Variants in FGD5 observed in about 807,000 individuals in gnomAD.
FGD5 encodes the protein FYVE, RhoGEF and PH domain containing 5, also known as FYVE, RhoGEF and PH domain-containing protein 5.
A neutral mutation model predicts 133.4 loss-of-function variants in FGD5; 28 were observed. That is an observed-to-expected ratio of 0.21 (90% CI 0.16 to 0.29). The LOEUF (loss-of-function observed/expected upper bound fraction) is 0.29, where lower values mean the gene tolerates loss of function less well. FGD5 is among the 10% of genes least tolerant of loss of function. The pLI, the probability that FGD5 is intolerant of heterozygous loss-of-function variation, is 1.00. For synonymous variants in FGD5, 810 were observed against 776.5 expected (o/e 1.04, Z -0.72); for missense variants, 1,858 against 1,895.2 (o/e 0.98, Z 0.36).
At chr3:14,828,062 G>T (rs571716817) in intron 1 of FGD5, among the ~76,000 whole-genome samples, 55 of 152,302 alleles carry the variant, frequency 3.6e-4, no homozygotes, top group African/African-American at 1.3e-3. Context: ...GAGTGAATGT[G>T]TTGGCTAACT....
chr3:14,864,069 T>C (rs2037449575), intron 1 of FGD5, 59 bp from the exon 2 acceptor site: 1 of 1,577,240 alleles, frequency 6.3e-7, no homozygotes, highest in Admixed American at 1.7e-5. Flanking sequence ...CCCTGGTAGG[T>C]TCACTTTGCC....
chr3:14,842,174 C>T (rs1324968089), intron 1 of FGD5, among the ~76,000 whole-genome samples: 1 of 152,232 alleles, frequency 6.6e-6, no homozygotes, highest in Non-Finnish European at 1.5e-5. Context: ...AGGGGAGCTT[C>T]TCCTTAAACC....
chr3:14,812,001 G>GGTGTGTGTGTGT (rs10644004), intron 1 of FGD5, among the ~76,000 whole-genome samples: 9 of 145,564 alleles, frequency 6.2e-5, no homozygotes, highest in South Asian at 2.2e-4. Flanking sequence ...ATATCCTGCT[G>GGTGTGTGTGTGT]GTGTGTGTGT....
chr3:14,894,718 C>T (rs2038100131), intron 4 of FGD5, among the ~76,000 whole-genome samples: 1 of 149,914 alleles, frequency 6.7e-6, no homozygotes, highest in Non-Finnish European at 1.5e-5. Flanking sequence ...GCTATGTTGC[C>T]CAGACTGGTC....
intron 1 of FGD5, among the ~76,000 whole-genome samples, chr3:14,862,790 A>G (rs766671977): frequency 1.1e-4 from 17 of 151,966 alleles, no homozygotes; most frequent in Non-Finnish European, 2.2e-4. Flanking sequence ...CCTCCAACCC[A>G]TTATGTCAGT....
Position 14,922,225 on chromosome 3 carries a change from C to T in FGD5, c.3670-186C>T, listed in dbSNP as rs981400636. ...CCCAGCACCCACAGTCTTGTTCTCA[C>T]AGTCTGGCTGTTTCCCAACCAAGGG... On this transcript the variant is annotated intron_variant, in intron 14 of 19. Coordinates refer to ENST00000285046, the MANE Select transcript of FGD5 (RefSeq NM_152536.4). The surrounding 1 kb of genome is among the most constrained non-coding windows in gnomAD (Gnocchi z 4.1). 3 of 1,029,592 alleles carry T rather than the reference C, an allele frequency of 2.9e-6. No individual in the cohort carries two copies. The highest frequency in any genetic ancestry group is 4.2e-6 in the Non-Finnish European group (3 of 709,848). The allele number at this position is 1,029,592 out of a possible 1,614,324, so 63.8% of individuals were successfully genotyped here. A position where few individuals can be genotyped will look rare whatever the true frequency, so the allele number is the denominator to read the frequency against.
intron 4 of FGD5, among the ~76,000 whole-genome samples, chr3:14,885,702 C>T (rs138744130): frequency 1.1e-4 from 17 of 152,252 alleles, no homozygotes; most frequent in Middle Eastern, 3.4e-3. Context: ...GTAAGTGTCC[C>T]GAGAGAGCAG....
intron 4 of FGD5, among the ~76,000 whole-genome samples, chr3:14,890,093 A>G (rs988240139): frequency 2.0e-5 from 3 of 152,064 alleles, no homozygotes; most frequent in Admixed American, 1.3e-4. Context: ...TTACACGATC[A>G]TTGCACACAC....
intron 1 of FGD5, among the ~76,000 whole-genome samples, chr3:14,824,411 G>A (rs1209501924): frequency 1.3e-5 from 2 of 152,156 alleles, no homozygotes; most frequent in Non-Finnish European, 2.9e-5. Flanking sequence ...GGATGAGAGG[G>A]TGGGGAGGCA....
chr3:14,835,875 G>T (rs770670736), intron 1 of FGD5, among the ~76,000 whole-genome samples: 1 of 152,172 alleles, frequency 6.6e-6, no homozygotes, highest in Non-Finnish European at 1.5e-5. Context: ...GGTTCTCAGC[G>T]AAGGTTCTTG....
Position 14,907,626 on chromosome 3 carries a change from A to G in FGD5, c.3265-14A>G. On this transcript the variant is annotated splice_polypyrimidine_tract_variant and intron_variant, in intron 9 of 19. Coordinates refer to ENST00000285046, the MANE Select transcript of FGD5 (RefSeq NM_152536.4). ...GCCCTGACCATCTCTCCCTCACCCC[A>G]TTCCCACCCACAGGAAAACCTGCAG... The G allele has an allele frequency of 1.2e-6, 2 of 1,612,938 alleles. No homozygotes were observed. The highest frequency in any genetic ancestry group is 1.7e-6 in the Non-Finnish European group (2 of 1,179,310).
At chr3:14,839,278 G>A (rs1350112503) in intron 1 of FGD5, among the ~76,000 whole-genome samples, 1 of 152,208 alleles carries the variant, frequency 6.6e-6, no homozygotes, top group Non-Finnish European at 1.5e-5. Flanking sequence ...ATGCTGCTGG[G>A]TGCCTCACAG....
chr3:14,898,098 G>A lies in FGD5; in HGVS notation c.3066+3G>A. 6.2e-7 allele frequency: 1 copy of A among 1,613,976 alleles called. No homozygotes were observed. Among genetic ancestry groups the A allele is most frequent in the Non-Finnish European group, 8.5e-7 (1 of 1,179,880 alleles). ...CAGCTGCTGTCCGTGAATTTGAGGT[G>A]GGTCCCTTGGTCCTCTGAGACCCTG... On this transcript the variant is annotated splice_donor_region_variant and intron_variant, in intron 6 of 19. Transcript: ENST00000285046.
chr3:14,873,217 A>G (rs1689566), intron 2 of FGD5, among the ~76,000 whole-genome samples: 125,916 of 152,086 alleles, frequency 0.83, 52,383 homozygotes, highest in East Asian at 0.98. Context: ...TTTTTCTGGG[A>G]TCCCCTTGAT....
chr3:14,820,252 G>T lies in FGD5; in HGVS notation c.1181G>T (p.Cys394Phe). ...GAGAACCCCATGGTGGGGGCTTTGT[G>T]TGGCCAGTGTGGCTCCCTACAGGGT... ...AEENPMVGAL[C>F]GQCGSLQGGA... Residue 394 changes from cysteine (C) to phenylalanine (F), a missense_variant, in exon 1 of 20, where the codon TGT (cysteine) becomes TTT (phenylalanine). By Grantham distance (205) the Cys-to-Phe change is radical. Around this residue, in one of 3 missense-constraint regions of FGD5, gnomAD observed 1,824 missense variants for 1,848.9 expected, o/e 0.99. Coordinates refer to ENST00000285046, the MANE Select transcript of FGD5 (RefSeq NM_152536.4). 2 of 1,604,074 alleles carry T rather than the reference G, an allele frequency of 1.2e-6. No homozygotes were observed. Among genetic ancestry groups the T allele is most frequent in the Non-Finnish European group, 1.7e-6 (2 of 1,174,412 alleles).
chr3:14,822,407 G>C (rs1351956592), intron 1 of FGD5, among the ~76,000 whole-genome samples: 2 of 151,650 alleles, frequency 1.3e-5, no homozygotes, highest in Admixed American at 1.3e-4. Context: ...AACTAGAAAA[G>C]ACTATTTAAA....
chr3:14,905,075 T>A lies in FGD5; in HGVS notation c.3265-2565T>A, dbSNP rs111540687. ...CCCTTGCTTATCTGTAAATTCTCAC[T>A]CCAACAGTGAGAAGCCTCGTTCCTA... On this transcript the variant is annotated intron_variant, in intron 9 of 19. Transcript: ENST00000285046. Among the ~76,000 whole-genome samples, 918 of 152,300 alleles carry A rather than the reference T, an allele frequency of 6.0e-3. 4 individuals carry two copies. Among genetic ancestry groups the A allele is most frequent in the Admixed American group, 0.016 (238 of 15,300 alleles).
In FGD5 at chr3:14,932,666, T is replaced by G. The variant is rs1297859583; in HGVS notation, c.4287T>G (p.Phe1429Leu). 6.2e-7 allele frequency: 1 copy of G among 1,614,044 alleles called. No individual in the cohort carries two copies. Among genetic ancestry groups the G allele is most frequent in the Non-Finnish European group, 8.5e-7 (1 of 1,179,898 alleles). The part of the protein sequence containing the change: ...EEGSSEVGPI[F>L]HLYHKKTLFY... ...GCAGCAGTGAAGTAGGACCTATTTTTCACCTTTACCACAAGAAAACCCTAT... is the reference window on the plus strand; with the variant it reads ...GCAGCAGTGAAGTAGGACCTATTTTGCACCTTTACCACAAGAAAACCCTAT... The change falls in exon 19 of 20, where the codon TTT becomes TTG. Residue 1429 changes from phenylalanine (F) to leucine (L), a missense_variant. Transcript: ENST00000285046.
chr3:14,881,698 G>C (rs1046312820), intron 4 of FGD5, among the ~76,000 whole-genome samples: 3 of 152,214 alleles, frequency 2.0e-5, no homozygotes, highest in African/African-American at 7.2e-5. Context: ...CCATCTCTAA[G>C]AATGTCAGAG....
Sources: allele counts gnomAD v4.1 joint callset (sites outside exome capture counted in the v4.1 genomes callset), GRCh38; gene constraint gnomAD v4.1.1; regional missense constraint gnomAD v4.1.1; non-coding constraint Gnocchi (gnomAD v3.1); transcripts MANE v1.5; gene names NCBI Gene and HGNC (gene_info 2026-07-23, HGNC 2026-07-21).